LIN7A: variants seen among roughly 807,000 people sequenced by gnomAD.
LIN7A encodes protein lin-7 homolog A.
In LIN7A, 25 loss-of-function variants were observed where a neutral mutation model predicts 29.8. The ratio of observed to expected loss-of-function variants is 0.84; its 90% CI spans 0.61 to 1.17. LIN7A has a LOEUF of 1.17. LIN7A is among the 50% of genes most tolerant of loss of function. The probability of loss-of-function intolerance (pLI) is 0.00; values close to 1 mark genes in which losing one functional copy is unlikely to be tolerated. For synonymous variants in LIN7A, 118 were observed against 107.5 expected (o/e 1.10, Z -0.60); for missense variants, 239 against 287.0 (o/e 0.83, Z 1.21).
intron 1 of LIN7A, among the ~76,000 whole-genome samples, chr12:80,905,863 T>C (rs1241237375): frequency 6.6e-6 from 1 of 152,138 alleles, no homozygotes; most frequent in East Asian, 1.9e-4. Flanking sequence ...CTTTTTATGA[T>C]TGTCTCTTTT....
intron 4 of LIN7A, among the ~76,000 whole-genome samples, chr12:80,838,550 T>C (rs1170338745): frequency 3.9e-5 from 6 of 152,238 alleles, no homozygotes; most frequent in African/African-American, 1.4e-4. Context: ...TCTTGGCTTC[T>C]TCACAAATGT....
chr12:80,876,847 C>T lies in LIN7A; in HGVS notation c.201+12404G>A, dbSNP rs193057943. 2.4e-3 allele frequency among the ~76,000 whole-genome samples: 359 copies of T among 152,212 alleles called. 1 individual carries two copies. Among genetic ancestry groups the T allele is most frequent in the African/African-American group, 8.2e-3 (339 of 41,550 alleles). ...TTAAAGTTGAATATTCTTGGCCGGG[C>T]GCGGTGGCTCATGCCTGTAATCCCA... On this transcript the variant is annotated intron_variant, in intron 2 of 5. Transcript: ENST00000552864.
intron 1 of LIN7A, among the ~76,000 whole-genome samples, chr12:80,922,781 T>A (rs936782846): frequency 6.6e-6 from 1 of 152,202 alleles, no homozygotes; most frequent in Non-Finnish European, 1.5e-5. Context: ...TATTTTAAAT[T>A]GTGCTTTGCT....
chr12:80,863,742 A>G (rs184718346), intron 2 of LIN7A, among the ~76,000 whole-genome samples: 1 of 152,320 alleles, frequency 6.6e-6, no homozygotes, highest in Non-Finnish European at 1.5e-5. Flanking sequence ...GGATCAAGTT[A>G]TAGACACAAC....
chr12:80,839,968 G>A (rs879841876), intron 4 of LIN7A, among the ~76,000 whole-genome samples: 5 of 152,062 alleles, frequency 3.3e-5, no homozygotes, highest in Non-Finnish European at 7.4e-5. Flanking sequence ...TCCCACCAAT[G>A]GTGCTCTAAG....
chr12:80,867,733 A>T (rs1417710628), intron 2 of LIN7A, among the ~76,000 whole-genome samples: 1 of 152,214 alleles, frequency 6.6e-6, no homozygotes, highest in Non-Finnish European at 1.5e-5. Context: ...CTAGAGCAGG[A>T]TGTAACATCT....
intron 2 of LIN7A, among the ~76,000 whole-genome samples, chr12:80,848,916 T>C (rs1375701730): frequency 6.6e-6 from 1 of 152,150 alleles, no homozygotes; most frequent in Non-Finnish European, 1.5e-5. Flanking sequence ...AACTCAAAAA[T>C]TAAATAAGTG....
intron 1 of LIN7A, among the ~76,000 whole-genome samples, chr12:80,902,301 C>T (rs955104365): frequency 8.1e-5 from 12 of 148,084 alleles, no homozygotes; most frequent in African/African-American, 3.0e-4. Flanking sequence ...TAGTGTGATG[C>T]CTCCAGCTTT....
chr12:80,815,251 A>C (rs1463516910), intron 4 of LIN7A, among the ~76,000 whole-genome samples: 1 of 152,204 alleles, frequency 6.6e-6, no homozygotes, highest in Non-Finnish European at 1.5e-5. Context: ...AGAATAAGGC[A>C]GTTTTCTCTT....
chr12:80,822,980 C>A (rs893269718), intron 4 of LIN7A, among the ~76,000 whole-genome samples: 1 of 152,146 alleles, frequency 6.6e-6, no homozygotes, highest in Admixed American at 6.5e-5. Flanking sequence ...AATCAGCATG[C>A]ACCTACTCCC....
At chr12:80,875,549 A>C (rs1327774968) in intron 2 of LIN7A, among the ~76,000 whole-genome samples, 1 of 152,228 alleles carries the variant, frequency 6.6e-6, no homozygotes, top group Admixed American at 6.5e-5. Context: ...TCAAGGGTGG[A>C]AGCCATTTTA....
intron 4 of LIN7A, among the ~76,000 whole-genome samples, chr12:80,822,143 T>C (rs1017155447): frequency 4.6e-5 from 7 of 152,152 alleles, no homozygotes; most frequent in African/African-American, 1.7e-4. Flanking sequence ...CTCACAATCA[T>C]GGCAGAAAGC....
intron 2 of LIN7A, among the ~76,000 whole-genome samples, chr12:80,862,818 A>C (rs900030430): frequency 5.9e-5 from 9 of 152,214 alleles, no homozygotes; most frequent in Non-Finnish European, 1.2e-4. Flanking sequence ...GTTCATCCTC[A>C]GCTGGGAACT....
At chr12:80,919,498 A>G (rs930071853) in intron 1 of LIN7A, among the ~76,000 whole-genome samples, 2 of 152,148 alleles carry the variant, frequency 1.3e-5, no homozygotes, top group Non-Finnish European at 2.9e-5. Flanking sequence ...AGTGGCAAGC[A>G]CTCACTGATT....
intron 2 of LIN7A, among the ~76,000 whole-genome samples, chr12:80,849,364 A>G (rs1873221677): frequency 6.6e-6 from 1 of 152,152 alleles, no homozygotes; most frequent in South Asian, 2.1e-4. Context: ...AATAAATTAT[A>G]CTATTTGCTC....
intron 4 of LIN7A, among the ~76,000 whole-genome samples, chr12:80,829,293 G>A (rs1247243496): frequency 6.6e-6 from 1 of 152,168 alleles, no homozygotes; most frequent in African/African-American, 2.4e-5. Flanking sequence ...GTCTGTGGGA[G>A]CTTCAAAACC....
At chr12:80,824,757 C>G (rs189930301) in intron 4 of LIN7A, among the ~76,000 whole-genome samples, 1 of 152,134 alleles carries the variant, frequency 6.6e-6, no homozygotes, top group East Asian at 1.9e-4. Context: ...GAATTAAAAA[C>G]GAAAATCACA....
intron 2 of LIN7A, among the ~76,000 whole-genome samples, chr12:80,858,871 TAAAA>T (rs888111644): frequency 1.3e-5 from 2 of 152,142 alleles, no homozygotes; most frequent in African/African-American, 4.8e-5. Flanking sequence ...GTTTACTTTT[TAAAA>T]TAGGTCTTTA....
At chr12:80,859,964 T>C (rs1363619637) in intron 2 of LIN7A, among the ~76,000 whole-genome samples, 2 of 152,206 alleles carry the variant, frequency 1.3e-5, no homozygotes, top group South Asian at 4.1e-4. Flanking sequence ...GACATGTGAG[T>C]ACATATTAAT....
Sources: allele counts gnomAD v4.1 joint callset (sites outside exome capture counted in the v4.1 genomes callset), GRCh38; gene constraint gnomAD v4.1.1; transcripts MANE v1.5; gene names NCBI Gene and HGNC (gene_info 2026-07-23, HGNC 2026-07-21).